Variants in CAPNS1 observed in about 807,000 individuals in gnomAD.
CAPNS1 encodes CANP small subunit.
In CAPNS1, 32 loss-of-function variants were observed where a neutral mutation model predicts 39.2. That is an observed-to-expected ratio of 0.82 (90% CI 0.62 to 1.10). CAPNS1 has a LOEUF of 1.10. CAPNS1 is among the 50% of genes least tolerant of loss of function. CAPNS1 has a pLI of 0.00. For synonymous variants in CAPNS1, 153 were observed against 136.2 expected (o/e 1.12, Z -0.86); for missense variants, 353 against 373.1 (o/e 0.95, Z 0.44).
At chr19:36,149,486 G>T in intron 9 of CAPNS1, 92 bp from the exon 10 acceptor site, 1 of 1,246,970 alleles carries the variant, frequency 8.0e-7, no homozygotes, top group South Asian at 1.9e-5. Flanking sequence ...CAGCTGCTAT[G>T]ATTGTCATCC....
At position 36,142,338 on chromosome 19, in the gene CAPNS1, G is replaced by T; in HGVS notation, c.243+5G>T. On this transcript the variant is annotated splice_donor_5th_base_variant and intron_variant, in intron 3 of 10. Transcript: ENST00000246533. ...CAGTACAACCCGGAGCCCCCGGTAA[G>T]CCCCCTCTGCAACCAGACCCCCTTC... 1 of 1,507,096 alleles carries T rather than the reference G, an allele frequency of 6.6e-7. No homozygotes were observed. The highest frequency in any genetic ancestry group is 9.0e-7 in the Non-Finnish European group (1 of 1,109,024). The allele number at this position is 1,507,096 out of a possible 1,614,324, so 93.4% of individuals were successfully genotyped here.
chr19:36,142,709 T>C lies in CAPNS1; in HGVS notation c.301T>C (p.Phe101Leu). The C allele has an allele frequency of 3.1e-6, 5 of 1,614,054 alleles. No homozygotes were observed. Among genetic ancestry groups the C allele is most frequent in the South Asian group, 1.1e-5 (1 of 91,066 alleles). The change falls in exon 4 of 11, where the codon TTC becomes CTC. Residue 101 changes from phenylalanine to leucine, a missense_variant. Physicochemically the swap from Phe to Leu is conservative, Grantham distance 22 (BLOSUM62 0). Transcript: ENST00000246533. ...CAACGAGAGTGAGGAGGTCCGGCAG[T>C]TCCGGAGACTCTTTGCCCAGCTGGC... ...EANESEEVRQ[F>L]RRLFAQLAGD...
chr19:36,142,713 G>A lies in CAPNS1; in HGVS notation c.305G>A (p.Arg102Gln), dbSNP rs374645485. Residue 102 changes from arginine to glutamine, a missense_variant, in exon 4 of 11, where the codon CGG (arginine) becomes CAG (glutamine). Physicochemically the swap from Arg to Gln is conservative, Grantham distance 43 (BLOSUM62 1). Coordinates refer to ENST00000246533, the MANE Select transcript of CAPNS1 (RefSeq NM_001749.4). ...ANESEEVRQF[R>Q]RLFAQLAGDD... The stretch of plus-strand genomic sequence containing the variant: ...GAGAGTGAGGAGGTCCGGCAGTTCC[G>A]GAGACTCTTTGCCCAGCTGGCTGGA... The A allele has an allele frequency of 1.1e-4, 179 of 1,613,940 alleles. 1 individual carries two copies. The highest frequency in any genetic ancestry group is 1.4e-4 in the Non-Finnish European group (166 of 1,180,002).
chr19:36,148,391 C>G (rs1301972750), intron 9 of CAPNS1: 1 of 151,574 alleles, frequency 6.6e-6, no homozygotes, highest in Non-Finnish European at 1.5e-5. Flanking sequence ...GTGGCACATG[C>G]CTGTGGTCTC....
rs1263523836 is a variant in CAPNS1, at chr19:36,142,667, T to G, written c.259T>G (p.Tyr87Asp). 3.1e-6 allele frequency: 5 copies of G among 1,614,094 alleles called. No individual in the cohort carries two copies. Among genetic ancestry groups the G allele is most frequent in the Non-Finnish European group, 4.2e-6 (5 of 1,179,994 alleles). The stretch of plus-strand genomic sequence containing the variant: ...CCCTTTGCAGCCCCCACGCACACAT[T>G]ACTCCAACATTGAGGCCAACGAGAG... ...NPEPPPPRTH[Y>D]SNIEANESEE... Residue 87 changes from tyrosine (Y) to aspartate (D), a missense_variant, in exon 4 of 11, where the codon TAC becomes GAC. By Grantham distance (160) the Tyr-to-Asp change is radical. Coordinates refer to ENST00000246533, the MANE Select transcript of CAPNS1 (RefSeq NM_001749.4).
Position 36,145,961 on chromosome 19 carries a change from T to C in CAPNS1, c.526-15T>C. On this transcript the variant is annotated splice_polypyrimidine_tract_variant and intron_variant, in intron 7 of 10. Coordinates refer to ENST00000246533, the MANE Select transcript of CAPNS1 (RefSeq NM_001749.4). ...CCACAATGCTCACTTGGACCCAATG[T>C]CTCTGTCCTCACAGGCCATATACAA... The C allele has an allele frequency of 6.2e-7, 1 of 1,614,000 alleles. No individual in the cohort carries two copies. Among genetic ancestry groups the C allele is most frequent in the Non-Finnish European group, 8.5e-7 (1 of 1,179,868 alleles).
intron 10 of CAPNS1, 47 bp from the exon 11 acceptor site, chr19:36,149,766 G>A (rs1974708301): frequency 6.7e-7 from 1 of 1,491,620 alleles, no homozygotes; most frequent in Non-Finnish European, 9.2e-7. Context: ...AAAGGGGCTG[G>A]TGCTCTTGGG....
At chr19:36,144,604 A>C (rs868799800) in intron 6 of CAPNS1, among the ~76,000 whole-genome samples, 1 of 152,344 alleles carries the variant, frequency 6.6e-6, no homozygotes, top group African/African-American at 2.4e-5. Flanking sequence ...GGCAAGTCTC[A>C]AACTCCAGAC....
chr19:36,147,136 G>A (rs886632771), intron 9 of CAPNS1, among the ~76,000 whole-genome samples: 6 of 152,212 alleles, frequency 3.9e-5, no homozygotes, highest in Non-Finnish European at 7.3e-5. Context: ...ATGAGCCATT[G>A]CATGTGGCCT....
chr19:36,147,852 A>T (rs982434580), intron 9 of CAPNS1, among the ~76,000 whole-genome samples: 13 of 151,764 alleles, frequency 8.6e-5, no homozygotes, highest in African/African-American at 3.1e-4. Flanking sequence ...GTGGGCGTAA[A>T]ACCTGAGGTC....
At chr19:36,146,785 C>G (rs1348775544) in intron 9 of CAPNS1, among the ~76,000 whole-genome samples, 1 of 152,164 alleles carries the variant, frequency 6.6e-6, no homozygotes, top group Non-Finnish European at 1.5e-5. Context: ...AGGGAACAGC[C>G]TGTGCAAAGG....
intron 1 of CAPNS1, 76 bp from the exon 2 acceptor site, chr19:36,140,921 T>G (rs1340085939): frequency 6.4e-6 from 10 of 1,570,270 alleles, no homozygotes; most frequent in Non-Finnish European, 8.6e-6. Flanking sequence ...CAGGTCCAGC[T>G]GCCGGAAATG....
Position 36,143,100 on chromosome 19 carries a change from CAT to C in CAPNS1, c.429_430del (p.Cys144SerfsTer9). On this transcript the variant is annotated frameshift_variant, in exon 6 of 11. Coordinates refer to ENST00000246533, the MANE Select transcript of CAPNS1 (RefSeq NM_001749.4). LOFTEE classifies it high-confidence loss of function. ...AAGACTGATGGTTTTGGCATTGACA[CAT>C]GTCGCAGCATGGTGGCCGTGATGGA... 1.2e-6 allele frequency: 2 copies of C among 1,614,180 alleles called. No homozygotes were observed. Among genetic ancestry groups the C allele is most frequent in the Non-Finnish European group, 1.7e-6 (2 of 1,180,030 alleles).
At chr19:36,140,865 C>A in intron 1 of CAPNS1, 132 bp from the exon 2 acceptor site, 1 of 1,422,620 alleles carries the variant, frequency 7.0e-7, no homozygotes. Context: ...GCGGACAACC[C>A]GCCCTCGCAA....
chr19:36,147,848 G>A (rs527406889), intron 9 of CAPNS1, among the ~76,000 whole-genome samples: 41 of 152,052 alleles, frequency 2.7e-4, no homozygotes, highest in Non-Finnish European at 4.3e-4. Context: ...TGAGGTGGGC[G>A]TAAAACCTGA....
chr19:36,145,704 C>A, intron 6 of CAPNS1, 102 bp from the exon 7 acceptor site: 2 of 970,890 alleles, frequency 2.1e-6, no homozygotes, highest in Non-Finnish European at 3.2e-6. Context: ...GCTGGAGTTT[C>A]AGCCCTGGCT....
At chr19:36,140,391 T>C (rs989512893) in intron 1 of CAPNS1, 1 of 152,276 alleles carries the variant, frequency 6.6e-6, no homozygotes, top group Non-Finnish European at 1.5e-5. Context: ...TGTGAATTCT[T>C]CCTTGGGGTG....
At position 36,141,168 on chromosome 19, in the gene CAPNS1, G is replaced by A. The variant is rs1325571645; in HGVS notation, c.157G>A (p.Gly53Ser). 4.3e-6 allele frequency: 6 copies of A among 1,411,120 alleles called. No individual in the cohort carries two copies. Among genetic ancestry groups the A allele is most frequent in the Non-Finnish European group, 5.5e-6 (6 of 1,087,174 alleles). 87.4% of individuals were successfully genotyped at this position (1,411,120 alleles called of 1,614,324 possible). A position where few individuals can be genotyped will look rare whatever the true frequency, so the allele number is the denominator to read the frequency against. The change falls in exon 2 of 11, where the codon GGT becomes AGT. Residue 53 changes from glycine to serine, a missense_variant. Physicochemically the swap from Gly to Ser is moderately conservative, Grantham distance 56 (BLOSUM62 0). Transcript: ENST00000246533. Reference sequence around the variant, plus strand: ...CGGCGGCGGCGGTGGTGGAGGCGGCGGTGGCGGTGGAACGGCCATGCGCAT... The same window carrying A: ...CGGCGGCGGCGGTGGTGGAGGCGGCAGTGGCGGTGGAACGGCCATGCGCAT... ...GGGGGGGGGG[G>S]GGGTAMRILG...
chr19:36,142,362 TC>T, intron 3 of CAPNS1, 29 bp downstream of exon 3: 1 of 1,308,310 alleles, frequency 7.6e-7, no homozygotes, highest in Non-Finnish European at 1.1e-6. Context: ...CAGACCCCCT[TC>T]TCCTGCCAAG....
Sources: gnomAD v4.1 joint callset for allele counts (sites outside exome capture counted in the v4.1 genomes callset) on GRCh38, gnomAD v4.1.1 for gene constraint, MANE v1.5 for transcripts, NCBI Gene and HGNC (gene_info 2026-07-23, HGNC 2026-07-21) for gene names.